Variants in SMCO2 observed in about 807,000 individuals in gnomAD.
SMCO2 encodes single-pass membrane and coiled-coil domain-containing protein 2.
A neutral mutation model predicts 29.5 loss-of-function variants in SMCO2; 25 were observed. The observed-to-expected ratio is 0.85, with a 90% CI of 0.62 to 1.18. SMCO2 has a LOEUF of 1.18. SMCO2 is among the 50% of genes most tolerant of loss of function. The pLI is 0.00. For synonymous variants in SMCO2, 117 were observed against 123.3 expected (o/e 0.95, Z 0.34); for missense variants, 348 against 344.5 (o/e 1.01, Z -0.08).
the SMCO2 span, among the ~76,000 whole-genome samples, chr12:27,428,257 C>T: frequency 1.3e-5 from 2 of 152,196 alleles, no homozygotes; most frequent in Non-Finnish European, 2.9e-5. Context: ...GGGCTGTTAG[C>T]ATCTTTGTTT....
chr12:27,470,788 G>A, intron 2 of SMCO2, 23 bp downstream of exon 2: 1 of 1,548,108 alleles, frequency 6.5e-7, no homozygotes, highest in Non-Finnish European at 8.7e-7. Flanking sequence ...TGAGCTTGCA[G>A]AAGCAGTTTC....
At chr12:27,449,968 G>A in the SMCO2 span, among the ~76,000 whole-genome samples, 1 of 152,250 alleles carries the variant, frequency 6.6e-6, no homozygotes, top group African/African-American at 2.4e-5. Context: ...CCCTTCATTC[G>A]TTCTCACCTC....
chr12:27,497,390 G>A lies in SMCO2; in HGVS notation c.683+1535G>A, dbSNP rs146657470. 22 of 219,562 alleles carry A rather than the reference G, an allele frequency of 1.0e-4. 2 individuals are homozygous for A. The highest frequency in any genetic ancestry group is 5.3e-4 in the African/African-American group (22 of 41,666). 13.6% of individuals were successfully genotyped at this position (219,562 alleles called of 1,614,324 possible). A position where few individuals can be genotyped will look rare whatever the true frequency, so the allele number is the denominator to read the frequency against. On this transcript the variant is annotated intron_variant, in intron 7 of 7. Coordinates refer to ENST00000298876, the Ensembl canonical transcript of SMCO2. ...TGATGATAGATGATTTGTGCAAGTGGATGATGGCAGAAAGTTTGTGTTGGT... is the reference window on the plus strand; with the variant it reads ...TGATGATAGATGATTTGTGCAAGTGAATGATGGCAGAAAGTTTGTGTTGGT...
chr12:27,428,397 T>G, the SMCO2 span, among the ~76,000 whole-genome samples: 1 of 152,196 alleles, frequency 6.6e-6, no homozygotes, highest in African/African-American at 2.4e-5. Flanking sequence ...TGTCATAATT[T>G]TCCTATGTCA....
At chr12:27,426,790 G>T in the SMCO2 span, among the ~76,000 whole-genome samples, 1 of 152,160 alleles carries the variant, frequency 6.6e-6, no homozygotes, top group Non-Finnish European at 1.5e-5. Context: ...ATGGGAAAGC[G>T]TTAAGTACCT....
chr12:27,458,301 T>G, the SMCO2 span, among the ~76,000 whole-genome samples: 1 of 152,172 alleles, frequency 6.6e-6, no homozygotes, highest in Non-Finnish European at 1.5e-5. Context: ...TACCAACTAG[T>G]TAATTAAACT....
the SMCO2 span, among the ~76,000 whole-genome samples, chr12:27,427,311 T>G: frequency 6.6e-6 from 1 of 152,244 alleles, no homozygotes; most frequent in Non-Finnish European, 1.5e-5. Context: ...ATTCAGTTGG[T>G]CTGACTTGGA....
intron 6 of SMCO2, among the ~76,000 whole-genome samples, chr12:27,494,968 G>A (rs1348154976): frequency 6.6e-6 from 1 of 151,968 alleles, no homozygotes; most frequent in African/African-American, 2.4e-5. Context: ...TCAAGGCTCA[G>A]CTCACAGGTC....
At chr12:27,436,954 A>G in the SMCO2 span, among the ~76,000 whole-genome samples, 128 of 152,336 alleles carry the variant, frequency 8.4e-4, 1 homozygote, top group Non-Finnish European at 1.5e-3. Flanking sequence ...ATGACTATGC[A>G]TATCACTTCG....
upstream of SMCO2, among the ~76,000 whole-genome samples, chr12:27,462,908 G>C (rs1211622011): frequency 2.6e-5 from 4 of 152,172 alleles, no homozygotes; most frequent in African/African-American, 9.7e-5. Flanking sequence ...TAGGGCTTAG[G>C]GTTTTCTCTG....
At chr12:27,483,030 T>G (rs1458908883) in intron 4 of SMCO2, among the ~76,000 whole-genome samples, 1 of 152,212 alleles carries the variant, frequency 6.6e-6, no homozygotes, top group Non-Finnish European at 1.5e-5. Context: ...CCCAGCCAAC[T>G]CCTTTTAAAT....
the SMCO2 span, among the ~76,000 whole-genome samples, chr12:27,425,679 G>A: frequency 3.3e-4 from 50 of 152,262 alleles, no homozygotes; most frequent in Non-Finnish European, 6.2e-4. Flanking sequence ...TGGAAAGAGA[G>A]CCTCTCTATT....
At chr12:27,424,445 G>A in the SMCO2 span, 2 of 152,168 alleles carry the variant, frequency 1.3e-5, no homozygotes, top group African/African-American at 4.8e-5. Flanking sequence ...AATCTATTGT[G>A]AAACAAAGAC....
the SMCO2 span, among the ~76,000 whole-genome samples, chr12:27,441,453 T>C: frequency 1.3e-5 from 2 of 152,032 alleles, no homozygotes. Context: ...TCAGATAAAA[T>C]AGACTACAAA....
At chr12:27,483,016 C>T (rs752283325) in intron 4 of SMCO2, among the ~76,000 whole-genome samples, 6 of 152,274 alleles carry the variant, frequency 3.9e-5, no homozygotes, top group East Asian at 1.9e-4. Flanking sequence ...TGTTAACCAC[C>T]GTGCCCAGCC....
the SMCO2 span, chr12:27,423,993 A>T: frequency 2.2e-4 from 34 of 152,238 alleles, no homozygotes; most frequent in Non-Finnish European, 4.6e-4. Context: ...GACTAGTATT[A>T]CCAAAAGAAT....
At chr12:27,478,782 G>C (rs1949614087) in intron 4 of SMCO2, among the ~76,000 whole-genome samples, 1 of 123,484 alleles carries the variant, frequency 8.1e-6, no homozygotes. Context: ...TTGGTACCCT[G>C]AAGGCAGGGC....
In SMCO2 at chr12:27,500,713, C is replaced by T. The variant is rs909684927; in HGVS notation, c.684-1210C>T. Among the ~76,000 whole-genome samples, 2 of 150,580 alleles carry T rather than the reference C, an allele frequency of 1.3e-5. 1 individual carries two copies. The highest frequency in any genetic ancestry group is 5.0e-5 in the African/African-American group (2 of 40,196). On this transcript the variant is annotated intron_variant, in intron 7 of 7. Transcript: ENST00000298876. ...CCTTGAAGGCAGGACACATCTGCTT[C>T]CTGTTATCAGCTCTCTAAGCCCCTT...
At chr12:27,435,580 G>GTC in the SMCO2 span, among the ~76,000 whole-genome samples, 52 of 131,770 alleles carry the variant, frequency 3.9e-4, no homozygotes, top group African/African-American at 8.6e-4. Context: ...CTCTGTCTCT[G>GTC]TCTCTCTCTC....
Sources: allele counts gnomAD v4.1 joint callset (sites outside exome capture counted in the v4.1 genomes callset), GRCh38; gene constraint gnomAD v4.1.1; transcripts MANE v1.5; gene names NCBI Gene and HGNC (gene_info 2026-07-23, HGNC 2026-07-21).